Variants in MORC3 observed in about 807,000 individuals in gnomAD.
MORC3 encodes MORC family CW-type zinc finger 3, also known as MORC family CW-type zinc finger protein 3.
In MORC3, 31 loss-of-function variants were observed where a neutral mutation model predicts 109.1. The observed-to-expected ratio is 0.28, with a 90% CI of 0.21 to 0.38. MORC3 has a LOEUF of 0.38. Ranked by LOEUF, MORC3 falls within the 10% of genes least tolerant of loss-of-function variation. MORC3 has a pLI of 1.00. For missense variants in MORC3, 867 were observed against 1,135.8 expected (o/e 0.76, Z 3.40); for synonymous variants, 395 against 380.7 (o/e 1.04, Z -0.44).
At chr21:36,322,752 T>G (rs1241875177) in intron 1 of MORC3, among the ~76,000 whole-genome samples, 1 of 152,184 alleles carries the variant, frequency 6.6e-6, no homozygotes, top group African/African-American at 2.4e-5. Context: ...AGTTTTTAAA[T>G]TTTTTGCTTT....
chr21:36,354,844 C>T lies in MORC3; in HGVS notation c.1104-1776C>T, dbSNP rs955947351. 2.6e-5 allele frequency among the ~76,000 whole-genome samples: 4 copies of T among 152,222 alleles called. 1 individual carries two copies. The South Asian group carries it at 8.3e-4, about 31-fold the overall frequency. Reference sequence around the variant, plus strand: ...GAAACACTCATCTCCATCAAGTAGGCTTCAGTTGATTTCCTCAGGTGTGGT... The same window carrying T: ...GAAACACTCATCTCCATCAAGTAGGTTTCAGTTGATTTCCTCAGGTGTGGT... On this transcript the variant is annotated intron_variant, in intron 9 of 16. Coordinates refer to ENST00000400485, the MANE Select transcript of MORC3 (RefSeq NM_015358.3).
chr21:36,354,390 C>T (rs142908920), intron 9 of MORC3, among the ~76,000 whole-genome samples: 3,337 of 148,320 alleles, frequency 0.022, 58 homozygotes, highest in Admixed American at 0.045. Context: ...CTGCAACCTC[C>T]GCCTCCCAGG....
At chr21:36,328,036 C>G (rs1009246485) in intron 1 of MORC3, among the ~76,000 whole-genome samples, 2 of 151,934 alleles carry the variant, frequency 1.3e-5, no homozygotes, top group African/African-American at 4.8e-5. Flanking sequence ...GCCACCAGGT[C>G]TAGCTAATTT....
At chr21:36,358,954 C>T (rs542992827) in intron 10 of MORC3, among the ~76,000 whole-genome samples, 31 of 152,138 alleles carry the variant, frequency 2.0e-4, no homozygotes, top group Non-Finnish European at 3.5e-4. Flanking sequence ...GCTGGGATTA[C>T]AGGCATGAGC....
In MORC3 at chr21:36,327,237, A is replaced by G. The variant is rs890874810; in HGVS notation, c.40-6409A>G. Among the ~76,000 whole-genome samples, 7 of 134,028 alleles carry G rather than the reference A, an allele frequency of 5.2e-5. No homozygotes were observed. The East Asian group carries it at 1.7e-3, about 32-fold the overall frequency. 87.9% of individuals were successfully genotyped at this position (134,028 alleles called of 152,430 possible). A position where few individuals can be genotyped will look rare whatever the true frequency, so the allele number is the denominator to read the frequency against. On this transcript the variant is annotated intron_variant, in intron 1 of 16. Coordinates refer to ENST00000400485, the MANE Select transcript of MORC3 (RefSeq NM_015358.3). ...TGGTGAGATCTCTCAGCTCACTGCA[A>G]CCTCTTCCTCCCATGTTCAAGCAAT...
In MORC3 at chr21:36,369,159, A is replaced by G. The variant is rs770956199; in HGVS notation, c.1791A>G (p.Lys597=). The G allele has an allele frequency of 1.5e-5, 24 of 1,614,044 alleles. No homozygotes were observed. Among genetic ancestry groups the G allele is most frequent in the Admixed American group, 6.7e-5 (4 of 59,988 alleles). The part of the protein sequence containing the change: ...KPAVDHDIDM[K]SEQSHVEQGG... ...CAGTAGATCATGATATTGACATGAA[A>G]TCAGAACAGAGTCACGTTGAGCAAG... is the stretch of plus-strand genomic sequence containing the variant. The change falls in exon 15 of 17, where the codon AAA becomes AAG. Residue 597 remains lysine (K), a synonymous_variant. Coordinates refer to ENST00000400485, the MANE Select transcript of MORC3 (RefSeq NM_015358.3).
chr21:36,369,903 C>T (rs1163769006), intron 15 of MORC3, 27 bp downstream of exon 15: 3 of 1,598,048 alleles, frequency 1.9e-6, no homozygotes, highest in Admixed American at 3.4e-5. Flanking sequence ...AACATGTAGT[C>T]ATGGAGTCCA....
intron 10 of MORC3, among the ~76,000 whole-genome samples, chr21:36,357,545 C>T (rs926314199): frequency 8.6e-5 from 13 of 151,876 alleles, no homozygotes; most frequent in Non-Finnish European, 1.9e-4. Context: ...CCACCGTGCC[C>T]AGCTTGTATT....
At chr21:36,371,571 CAG>C (rs1202058015) in intron 15 of MORC3, among the ~76,000 whole-genome samples, 2 of 152,146 alleles carry the variant, frequency 1.3e-5, no homozygotes, top group Admixed American at 1.3e-4. Context: ...AAATGAAAAA[CAG>C]AATGATTGTA....
rs1314719826 is a variant in MORC3 at position 36,338,865 on chromosome 21, A to T, written c.552A>T (p.Glu184Asp). ...CCACGGAACAGAAGTTACTGGCAGA[A>T]CTTGATGCTATTATAGGCAAGAAGG... ...LFSTEQKLLA[E>D]LDAIIGKKGT... The change falls in exon 5 of 17, where the codon GAA becomes GAT. Residue 184 changes from glutamate to aspartate, a missense_variant. Physicochemically the swap from Glu to Asp is conservative, Grantham distance 45 (BLOSUM62 2). Around this residue, in one of 7 missense-constraint regions of MORC3, gnomAD observed 134 missense variants for 166.6 expected, o/e 0.80. Coordinates refer to ENST00000400485, the MANE Select transcript of MORC3 (RefSeq NM_015358.3). The T allele has an allele frequency of 4.3e-6, 7 of 1,614,026 alleles. No individual in the cohort carries two copies. Among genetic ancestry groups the T allele is most frequent in the African/African-American group, 1.3e-5 (1 of 74,926 alleles).
chr21:36,332,454 G>C (rs1340538206), intron 1 of MORC3, among the ~76,000 whole-genome samples: 1 of 152,084 alleles, frequency 6.6e-6, no homozygotes, highest in East Asian at 1.9e-4. Context: ...AATAGGACAG[G>C]CTTCAGAACC....
chr21:36,352,026 TAA>T (rs2085578727), intron 9 of MORC3, among the ~76,000 whole-genome samples: 1 of 152,182 alleles, frequency 6.6e-6, no homozygotes. Context: ...AAAATATTGG[TAA>T]ATACCATCCA....
chr21:36,325,540 G>A (rs770755304), intron 1 of MORC3, among the ~76,000 whole-genome samples: 46 of 152,216 alleles, frequency 3.0e-4, no homozygotes, highest in Non-Finnish European at 1.2e-4. Context: ...TCACATGGTT[G>A]TGTAATAACC....
chr21:36,325,668 C>A (rs951493882), intron 1 of MORC3, among the ~76,000 whole-genome samples: 5 of 152,236 alleles, frequency 3.3e-5, no homozygotes, highest in Non-Finnish European at 7.4e-5. Flanking sequence ...TACGGTAGTC[C>A]CCCCTTATCT....
At chr21:36,356,084 A>G (rs1390567730) in intron 9 of MORC3, among the ~76,000 whole-genome samples, 1 of 152,220 alleles carries the variant, frequency 6.6e-6, no homozygotes, top group Non-Finnish European at 1.5e-5. Context: ...TGAGCCCATC[A>G]AAATAGCAAC....
At chr21:36,371,890 C>T (rs371112777) in intron 15 of MORC3, among the ~76,000 whole-genome samples, 119 of 151,632 alleles carry the variant, frequency 7.8e-4, no homozygotes, top group African/African-American at 2.4e-3. Context: ...CTCAGCTCAC[C>T]GCAACCTCCA....
chr21:36,339,601 G>A (rs1482906428), intron 5 of MORC3: 1 of 151,450 alleles, frequency 6.6e-6, no homozygotes, highest in East Asian at 1.9e-4. Context: ...AAAACTAAAA[G>A]TGATGTAGCA....
chr21:36,336,230 TTTTTTG>T (rs568665151), intron 2 of MORC3, among the ~76,000 whole-genome samples: 334 of 137,584 alleles, frequency 2.4e-3, no homozygotes, highest in African/African-American at 7.9e-3. Context: ...CATGGTCAGC[TTTTTTG>T]TTTTTGTTTT....
chr21:36,330,459 C>G (rs1257627687), intron 1 of MORC3, among the ~76,000 whole-genome samples: 1 of 152,076 alleles, frequency 6.6e-6, no homozygotes, highest in Non-Finnish European at 1.5e-5. Context: ...ACTTGTCTCG[C>G]CTTTCTGAAA....
Sources: gnomAD v4.1 joint callset for allele counts (sites outside exome capture counted in the v4.1 genomes callset) on GRCh38, gnomAD v4.1.1 for gene constraint, gnomAD v4.1.1 regional missense constraint, MANE v1.5 for transcripts, NCBI Gene and HGNC (gene_info 2026-07-23, HGNC 2026-07-21) for gene names.